SNED1: variants seen among roughly 807,000 people sequenced by gnomAD.
SNED1 encodes the protein sushi, nidogen and EGF like domains 1.
A neutral mutation model predicts 166.7 loss-of-function variants in SNED1; 81 were observed. The ratio of observed to expected loss-of-function variants is 0.49; its 90% confidence interval spans 0.41 to 0.58. The LOEUF (loss-of-function observed/expected upper bound fraction) is 0.58. Ranked by LOEUF, SNED1 falls within the 20% of genes least tolerant of loss-of-function variation. SNED1 has a pLI of 0.00. For synonymous variants in SNED1, 762 were observed against 822.0 expected (o/e 0.93, Z 1.25); for missense variants, 1,604 against 2,000.2 (o/e 0.80, Z 3.78).
At chr2:241,081,566 G>A in intron 27 of SNED1, 111 bp from the exon 28 acceptor site, 1 of 773,244 alleles carries the variant, frequency 1.3e-6, no homozygotes. Flanking sequence ...CACCACAGAG[G>A]AGTGCACGGC....
intron 2 of SNED1, among the ~76,000 whole-genome samples, chr2:241,032,168 G>A (rs1266607061): frequency 2.6e-5 from 4 of 152,104 alleles, no homozygotes; most frequent in African/African-American, 7.2e-5. Context: ...TGGCCAACAT[G>A]ACGAACTCCC....
intron 29 of SNED1, among the ~76,000 whole-genome samples, chr2:241,084,946 T>C (rs1438309263): frequency 6.6e-6 from 1 of 152,236 alleles, no homozygotes; most frequent in Non-Finnish European, 1.5e-5. Context: ...AAAGTTGTCA[T>C]GGCTTTGTCT....
In SNED1 at chr2:240,999,833, G is replaced by A. The variant is rs1450187397; in HGVS notation, c.213+783G>A. ...ATGAAATGCACCTGGTAACTGCATG[G>A]AGCACTCGCCCTGAGTAGGCCACGG... On this transcript the variant is annotated intron_variant, in intron 1 of 31. Transcript: ENST00000310397. This position sits in a 1 kb window ranked among gnomAD's most constrained non-coding sequence, Gnocchi z 5.8. Among the ~76,000 whole-genome samples the A allele has an allele frequency of 6.6e-6, 1 of 152,240 alleles. No individual in the cohort carries two copies. Among genetic ancestry groups the A allele is most frequent in the East Asian group, 1.9e-4 (1 of 5,178 alleles).
Position 241,051,251 on chromosome 2 carries a change from G to A in SNED1, c.1736-493G>A, listed in dbSNP as rs527876474. The A allele has an allele frequency of 2.8e-4, 43 of 153,954 alleles. No homozygotes were observed. Among genetic ancestry groups the A allele is most frequent in the Non-Finnish European group, 2.6e-4 (18 of 69,216 alleles). The allele number at this position is 153,954 out of a possible 1,614,324, so 9.5% of individuals were successfully genotyped here. ...ATGTGCTTGCCTCAAGCACAGGCCC[G>A]GCCGTCTGAGCTCCTCGGGTTCCAG... On this transcript the variant is annotated intron_variant, in intron 12 of 31. Transcript: ENST00000310397. This position sits in a 1 kb window ranked among gnomAD's most constrained non-coding sequence, Gnocchi z 4.7.
In SNED1 at chr2:241,051,943, C is replaced by T. The variant is rs532133039; in HGVS notation, c.1852+83C>T. On this transcript the variant is annotated intron_variant, in intron 13 of 31. Coordinates refer to ENST00000310397, the MANE Select transcript of SNED1 (RefSeq NM_001080437.3). This position sits in a 1 kb window ranked among gnomAD's most constrained non-coding sequence, Gnocchi z 4.7. Reference sequence around the variant, plus strand: ...GCCCCTGATGCACCCTCCCTGCCAGCTGTGGGTCTGCTTCTCATGAAGAGG... The same window carrying T: ...GCCCCTGATGCACCCTCCCTGCCAGTTGTGGGTCTGCTTCTCATGAAGAGG... 12 of 1,469,250 alleles carry T rather than the reference C, an allele frequency of 8.2e-6. No homozygotes were observed. Among genetic ancestry groups the T allele is most frequent in the Admixed American group, 2.0e-5 (1 of 51,018 alleles). The allele number at this position is 1,469,250 out of a possible 1,614,324, so 91.0% of individuals were successfully genotyped here. A position where few individuals can be genotyped will look rare whatever the true frequency, so the allele number is the denominator to read the frequency against.
intron 31 of SNED1, chr2:241,089,309 G>T: frequency 6.5e-7 from 1 of 1,550,312 alleles, no homozygotes; most frequent in African/African-American, 1.4e-5. Flanking sequence ...GCGCAGATGA[G>T]TGAGGCACCC....
At chr2:241,006,183 A>ATT (rs1438735753) in intron 1 of SNED1, among the ~76,000 whole-genome samples, 5 of 152,048 alleles carry the variant, frequency 3.3e-5, no homozygotes, top group Non-Finnish European at 5.9e-5. Flanking sequence ...TATTCATCCC[A>ATT]TTCAGAGTAT....
At chr2:241,041,168 G>A (rs1194347615) in intron 8 of SNED1, 2 of 226,048 alleles carry the variant, frequency 8.8e-6, no homozygotes, top group African/African-American at 4.8e-5. Flanking sequence ...AGGCCAGGGT[G>A]TGTCCTGAGG....
At chr2:241,032,984 T>G (rs1448073296) in intron 2 of SNED1, among the ~76,000 whole-genome samples, 1 of 152,244 alleles carries the variant, frequency 6.6e-6, no homozygotes, top group East Asian at 1.9e-4. Flanking sequence ...TTTTAAGTAT[T>G]CGGAAGCCCT....
intron 8 of SNED1, among the ~76,000 whole-genome samples, chr2:241,042,433 C>T (rs887939927): frequency 2.6e-5 from 4 of 152,144 alleles, no homozygotes; most frequent in Admixed American, 1.3e-4. Flanking sequence ...GAATAAAATC[C>T]TATACTCCTC....
rs1362326217 is a variant in SNED1 at position 241,051,204 on chromosome 2, G to A, written c.1736-540G>A. On this transcript the variant is annotated intron_variant, in intron 12 of 31. Coordinates refer to ENST00000310397, the MANE Select transcript of SNED1 (RefSeq NM_001080437.3). The surrounding 1 kb of genome is among the most constrained non-coding windows in gnomAD (Gnocchi z 4.7). ...TCAAGGTGGCAGGACAGATGTGCTT[G>A]GTTTCGCAGACACCTTTAAATATGT... The A allele has an allele frequency of 6.6e-6, 1 of 152,400 alleles. No homozygotes were observed. The highest frequency in any genetic ancestry group is 1.5e-5 in the Non-Finnish European group (1 of 68,148). The allele number at this position is 152,400 out of a possible 1,614,324, so 9.4% of individuals were successfully genotyped here.
chr2:241,059,238 A>G (rs1485954956), intron 16 of SNED1, among the ~76,000 whole-genome samples: 2 of 152,232 alleles, frequency 1.3e-5, no homozygotes, highest in Admixed American at 1.3e-4. Flanking sequence ...TGTTACACTT[A>G]ATTTGTAATT....
chr2:241,084,394 T>C lies in SNED1; in HGVS notation c.4121+2030T>C, dbSNP rs1220233957. 2.0e-5 allele frequency among the ~76,000 whole-genome samples: 3 copies of C among 152,124 alleles called. No homozygotes were observed. In the East Asian group the frequency reaches 5.8e-4, roughly 29 times the overall value. ...GTCTCAAACTCATGACCTCAGGTGA[T>C]CCACCCACCTTGCCCTCCCAAAGTG... On this transcript the variant is annotated intron_variant, in intron 29 of 31. Transcript: ENST00000310397.
chr2:240,998,609 G>A (rs2059982782), upstream of SNED1, among the ~76,000 whole-genome samples: 1 of 151,928 alleles, frequency 6.6e-6, no homozygotes, highest in Admixed American at 6.6e-5. Context: ...TGGCCCCAGG[G>A]GCGGGGCTGG....
chr2:241,088,785 G>A (rs796816342), intron 31 of SNED1: 28 of 262,784 alleles, frequency 1.1e-4, no homozygotes, highest in African/African-American at 4.9e-4. Context: ...GAGGGGCCAC[G>A]GGCAGCGGGA....
chr2:241,020,169 G>T (rs767802774), intron 1 of SNED1, among the ~76,000 whole-genome samples: 2 of 152,222 alleles, frequency 1.3e-5, no homozygotes, highest in South Asian at 2.1e-4. Context: ...AAATATTTGC[G>T]ATCTGGCCCT....
Position 241,082,363 on chromosome 2 carries a change from G to C in SNED1, c.4120G>C (p.Val1374Leu), listed in dbSNP as rs376890393. 1 of 1,612,142 alleles carries C rather than the reference G, an allele frequency of 6.2e-7. No homozygotes were observed. The highest frequency in any genetic ancestry group is 1.1e-5 in the South Asian group (1 of 91,008). Residue 1374 changes from valine to leucine, a missense_variant and splice_region_variant, in exon 29 of 32, where the codon GTG becomes CTG. By Grantham distance (32) the Val-to-Leu change is conservative (BLOSUM62 1). Transcript: ENST00000310397. ...PVWEGGVCHHVYKRVYRVHQD... is the reference protein window; with the variant it reads ...PVWEGGVCHHLYKRVYRVHQD... ...CTGGGAGGGAGGCGTCTGTCACCACGTGTAAGTTGGTTTCTGTCCTCCGCC... is the reference window on the plus strand; with the variant it reads ...CTGGGAGGGAGGCGTCTGTCACCACCTGTAAGTTGGTTTCTGTCCTCCGCC...
Position 241,034,584 on chromosome 2 carries a change from G to A in SNED1, c.659G>A (p.Gly220Asp). 6.2e-7 allele frequency: 1 copy of A among 1,604,722 alleles called. No individual in the cohort carries two copies. The highest frequency in any genetic ancestry group is 8.5e-7 in the Non-Finnish European group (1 of 1,174,558). The change falls in exon 4 of 32, where the codon GGC becomes GAC. Residue 220 changes from glycine to aspartate, a missense_variant. Coordinates refer to ENST00000310397, the MANE Select transcript of SNED1 (RefSeq NM_001080437.3). ...GIAAQAGFNA[G>D]DGQRYFSIPG... ...CACCCCCAGGCTGGCTTCAACGCAG[G>A]CGATGGGCAGCGTTACTTCAGTATC...
At chr2:241,014,888 A>T (rs1226324744) in intron 1 of SNED1, among the ~76,000 whole-genome samples, 1 of 152,140 alleles carries the variant, frequency 6.6e-6, no homozygotes, top group African/African-American at 2.4e-5. Flanking sequence ...AGGAAATGAA[A>T]GCAGAGCCAG....
Sources: gnomAD v4.1 joint callset for allele counts (sites outside exome capture counted in the v4.1 genomes callset) on GRCh38, gnomAD v4.1.1 for gene constraint, Gnocchi (gnomAD v3.1) non-coding constraint, MANE v1.5 for transcripts, NCBI Gene and HGNC (gene_info 2026-07-23, HGNC 2026-07-21) for gene names.